Variants in ANKRD31 observed in about 807,000 individuals in gnomAD.
ANKRD31 encodes ankyrin repeat domain 31.
In ANKRD31, 147 loss-of-function variants were observed where a neutral mutation model predicts 186.0. The observed-to-expected ratio is 0.79, with a 90% CI of 0.69 to 0.91. The LOEUF (loss-of-function observed/expected upper bound fraction) is 0.91. ANKRD31 is among the 40% of genes least tolerant of loss of function. The pLI, the probability that ANKRD31 is intolerant of heterozygous loss-of-function variation, is 0.00. For missense variants in ANKRD31, 1,986 were observed against 2,148.8 expected, an observed-to-expected ratio of 0.92 and a Z score of 1.50; for synonymous variants, 673 against 736.4, an observed-to-expected ratio of 0.91 and a Z score of 1.39.
intron 10 of ANKRD31, among the ~76,000 whole-genome samples, chr5:75,183,318 C>A (rs1434915662): frequency 6.6e-6 from 1 of 151,986 alleles, no homozygotes; most frequent in Non-Finnish European, 1.5e-5. Context: ...TCATATGAAA[C>A]AGGGAAAAGT....
chr5:75,179,619 A>T (rs1287177087), intron 10 of ANKRD31, among the ~76,000 whole-genome samples: 1 of 152,172 alleles, frequency 6.6e-6, no homozygotes, highest in East Asian at 1.9e-4. Context: ...TATAAACAGA[A>T]CCAAAGACAA....
intron 10 of ANKRD31, among the ~76,000 whole-genome samples, chr5:75,176,032 C>T (rs1343178477): frequency 6.6e-6 from 1 of 152,174 alleles, no homozygotes; most frequent in Non-Finnish European, 1.5e-5. Flanking sequence ...GTCACTCCCA[C>T]CCTAATACTG....
At chr5:75,129,742 G>C (rs1183335290) in intron 17 of ANKRD31, among the ~76,000 whole-genome samples, 1 of 152,188 alleles carries the variant, frequency 6.6e-6, no homozygotes, top group African/African-American at 2.4e-5. Context: ...GTTGATTTCT[G>C]CATTTCCAAC....
intron 16 of ANKRD31, 121 bp from the exon 17 acceptor site, chr5:75,138,119 C>G: frequency 6.0e-6 from 5 of 834,678 alleles, no homozygotes; most frequent in South Asian, 5.0e-5. Context: ...TATGTATATA[C>G]TAAGTATTGA....
At chr5:75,111,227 G>T (rs1186758883) in intron 20 of ANKRD31, among the ~76,000 whole-genome samples, 1 of 151,524 alleles carries the variant, frequency 6.6e-6, no homozygotes, top group Admixed American at 6.6e-5. Flanking sequence ...GGGGAGGGGG[G>T]CCTGGAAATA....
intron 10 of ANKRD31, among the ~76,000 whole-genome samples, chr5:75,171,203 G>T (rs1296959786): frequency 5.9e-5 from 9 of 151,866 alleles, no homozygotes; most frequent in Non-Finnish European, 1.0e-4. Context: ...TTCAACAAAG[G>T]AGATAATATA....
intron 10 of ANKRD31, among the ~76,000 whole-genome samples, chr5:75,170,912 C>T (rs9654426): frequency 0.51 from 77,171 of 151,850 alleles, 22,660 homozygotes; most frequent in African/African-American, 0.82. Context: ...GATGAAAGAG[C>T]TAATTTATCA....
intron 10 of ANKRD31, among the ~76,000 whole-genome samples, chr5:75,177,431 T>C (rs1187946196): frequency 6.6e-6 from 1 of 152,004 alleles, no homozygotes; most frequent in Non-Finnish European, 1.5e-5. Context: ...CACATCATTG[T>C]CAGATTCACC....
Position 75,104,739 on chromosome 5 carries a change from A to G in ANKRD31, c.4820T>C (p.Val1607Ala). Residue 1607 changes from valine to alanine, a missense_variant, in exon 22 of 26, where the codon GTT becomes GCT. Val to Ala is a moderately conservative substitution (Grantham distance 64). Coordinates refer to ENST00000506364, the MANE Select transcript of ANKRD31 (RefSeq NM_001372053.1). ...ATATTCTGTTTGACCAATAAAAGCA[A>G]CAGGTTGGGATGGTAATTTATTCTT... ...TEKNKLPSQPVAFIGQTEYSQ... is the reference protein window; with the variant it reads ...TEKNKLPSQPAAFIGQTEYSQ... The G allele has an allele frequency of 6.5e-7, 1 of 1,537,202 alleles. No individual in the cohort carries two copies. The highest frequency in any genetic ancestry group is 8.7e-7 in the Non-Finnish European group (1 of 1,146,896).
chr5:75,172,812 A>C (rs943951359), intron 10 of ANKRD31, among the ~76,000 whole-genome samples: 1 of 152,180 alleles, frequency 6.6e-6, no homozygotes, highest in East Asian at 1.9e-4. Flanking sequence ...AGAGGTACAA[A>C]GAGGAGCTGG....
chr5:75,119,005 G>T (rs908881187), intron 17 of ANKRD31, among the ~76,000 whole-genome samples: 1 of 146,068 alleles, frequency 6.8e-6, no homozygotes, highest in Non-Finnish European at 1.5e-5. Context: ...TACTCTACTT[G>T]TTCAGGACGT....
chr5:75,086,405 A>T (rs1745485208), intron 23 of ANKRD31, among the ~76,000 whole-genome samples: 1 of 152,218 alleles, frequency 6.6e-6, no homozygotes, highest in Admixed American at 6.5e-5. Flanking sequence ...AAAAACCTCC[A>T]GTTGGCTAAA....
intron 17 of ANKRD31, among the ~76,000 whole-genome samples, chr5:75,128,797 A>G (rs1024260358): frequency 5.3e-5 from 8 of 151,976 alleles, no homozygotes; most frequent in African/African-American, 1.5e-4. Context: ...TACAGGCATG[A>G]GCCAACATGC....
At chr5:75,223,024 C>G (rs1757399937) in intron 2 of ANKRD31, among the ~76,000 whole-genome samples, 1 of 152,166 alleles carries the variant, frequency 6.6e-6, no homozygotes, top group Non-Finnish European at 1.5e-5. Context: ...CCTGTACTGT[C>G]TTCCACAATG....
rs572714344 is a variant in ANKRD31 at position 75,139,606 on chromosome 5, A to G, written c.3596-623T>C. ...AAGAAATTTTAAAGTACCATATTAA[A>G]AAAATGAAAGAGGAAACAATAAAGG... On this transcript the variant is annotated intron_variant, in intron 15 of 25. Transcript: ENST00000506364. 2.0e-5 allele frequency among the ~76,000 whole-genome samples: 3 copies of G among 152,330 alleles called. No individual in the cohort carries two copies. In the East Asian group the frequency reaches 5.8e-4, roughly 29 times the overall value.
intron 1 of ANKRD31, among the ~76,000 whole-genome samples, chr5:75,232,207 T>C (rs1050572885): frequency 6.6e-5 from 10 of 152,180 alleles, no homozygotes; most frequent in African/African-American, 2.4e-4. Context: ...AGTAAAATTA[T>C]CTATTAATGT....
At chr5:75,209,135 T>C (rs141774557) in intron 4 of ANKRD31, among the ~76,000 whole-genome samples, 580 of 152,344 alleles carry the variant, frequency 3.8e-3, no homozygotes, top group African/African-American at 0.013. Context: ...ACTTTTTGCA[T>C]TCTATTACAT....
chr5:75,182,766 T>C (rs181329026), intron 10 of ANKRD31, among the ~76,000 whole-genome samples: 2 of 145,174 alleles, frequency 1.4e-5, no homozygotes. Flanking sequence ...AATGAGAAAA[T>C]AACCACAACC....
intron 5 of ANKRD31, among the ~76,000 whole-genome samples, chr5:75,203,644 AAG>A (rs1219760476): frequency 2.7e-5 from 4 of 148,132 alleles, no homozygotes; most frequent in Admixed American, 1.3e-4. Flanking sequence ...GCCTGGGCGA[AAG>A]AGAGAGGATC....
Sources: gnomAD v4.1 joint callset for allele counts (sites outside exome capture counted in the v4.1 genomes callset) on GRCh38, gnomAD v4.1.1 for gene constraint, MANE v1.5 for transcripts, NCBI Gene and HGNC (gene_info 2026-07-23, HGNC 2026-07-21) for gene names.